ZNG1A: variants seen among roughly 807,000 people sequenced by gnomAD.
ZNG1A encodes Zn regulated GTPase metalloprotein activator 1A, also known as zinc-regulated GTPase metalloprotein activator 1A.
At chr9:161,605 G>C in the ZNG1A span, 181 of 1,286,638 alleles carry the variant, frequency 1.4e-4, 3 homozygotes, top group African/African-American at 2.6e-3. Flanking sequence ...TTGGGAACGG[G>C]TCAGTGGGTG....
At chr9:152,218 G>C in the ZNG1A span, 1 of 367,520 alleles carries the variant, frequency 2.7e-6, no homozygotes, top group Non-Finnish European at 5.0e-6. Flanking sequence ...ATTAAAAACA[G>C]AAAAACAAAA....
chr9:164,100 C>G, the ZNG1A span: 3 of 1,512,734 alleles, frequency 2.0e-6, no homozygotes, highest in Admixed American at 2.1e-5. Flanking sequence ...ATGATTCTAT[C>G]CATGTTTTAA....
the ZNG1A span, among the ~76,000 whole-genome samples, chr9:176,841 G>GAA: frequency 5.5e-3 from 780 of 143,110 alleles, 1 homozygote; most frequent in Middle Eastern, 0.018. Flanking sequence ...ACCATATTAT[G>GAA]AAAAAAAAAA....
At chr9:151,883 G>C in the ZNG1A span, 4 of 468,288 alleles carry the variant, frequency 8.5e-6, no homozygotes, top group South Asian at 7.0e-5. Context: ...AACTTATTAA[G>C]AGCATTCCAA....
At chr9:176,037 C>A in the ZNG1A span, among the ~76,000 whole-genome samples, 4 of 149,788 alleles carry the variant, frequency 2.7e-5, no homozygotes, top group Non-Finnish European at 4.4e-5. Context: ...CCTAGCCTAA[C>A]CTTCCCTAAA....
the ZNG1A span, among the ~76,000 whole-genome samples, chr9:178,165 C>A: frequency 2.0e-5 from 3 of 150,786 alleles, no homozygotes. Flanking sequence ...CCGCCCTTCA[C>A]GAAACTACCA....
At chr9:125,025 C>T in the ZNG1A span, among the ~76,000 whole-genome samples, 1 of 152,180 alleles carries the variant, frequency 6.6e-6, no homozygotes, top group Admixed American at 6.5e-5. Flanking sequence ...CATGCGTGTG[C>T]ACGTATCTTT....
the ZNG1A span, among the ~76,000 whole-genome samples, chr9:141,386 T>C: frequency 6.7e-6 from 1 of 149,510 alleles, no homozygotes; most frequent in Non-Finnish European, 1.5e-5. Context: ...GGGCCAATAT[T>C]CAACATTCTG....
chr9:147,611 A>G, the ZNG1A span: 34 of 144,660 alleles, frequency 2.4e-4, no homozygotes, highest in African/African-American at 9.5e-4. Flanking sequence ...AGAATTAGAA[A>G]AATGATCAAG....
chr9:166,539 T>G, the ZNG1A span: 1 of 152,596 alleles, frequency 6.6e-6, no homozygotes, highest in Non-Finnish European at 1.5e-5. Flanking sequence ...GGCACACAAG[T>G]GGCAAAGAAC....
chr9:147,682 G>C, the ZNG1A span: 1 of 149,322 alleles, frequency 6.7e-6, no homozygotes, highest in African/African-American at 2.6e-5. Context: ...AAAGGCCAAA[G>C]TCTTAATATT....
the ZNG1A span, among the ~76,000 whole-genome samples, chr9:141,416 C>G: frequency 2.7e-5 from 4 of 149,902 alleles, no homozygotes; most frequent in Non-Finnish European, 5.9e-5. Flanking sequence ...AATTTTCGAC[C>G]CAGAATTTCA....
the ZNG1A span, among the ~76,000 whole-genome samples, chr9:138,657 G>A: frequency 1.4e-5 from 2 of 144,860 alleles, no homozygotes; most frequent in Non-Finnish European, 3.0e-5. Flanking sequence ...CCAGCACTTT[G>A]GGAGGCTGAG....
the ZNG1A span, among the ~76,000 whole-genome samples, chr9:129,361 A>C: frequency 6.6e-6 from 1 of 151,874 alleles, no homozygotes; most frequent in African/African-American, 2.4e-5. Flanking sequence ...GAACTTGCAA[A>C]TGTGAGACTT....
At chr9:142,876 C>T in the ZNG1A span, among the ~76,000 whole-genome samples, 1 of 97,554 alleles carries the variant, frequency 1.0e-5, no homozygotes, top group Non-Finnish European at 1.9e-5. Context: ...CCACCGATCC[C>T]ACAGAAATAC....
chr9:135,809 G>A, the ZNG1A span, among the ~76,000 whole-genome samples: 8 of 112,408 alleles, frequency 7.1e-5, no homozygotes, highest in East Asian at 3.8e-4. Flanking sequence ...GTCTCTTTGG[G>A]GGGTCCTAGT....
At chr9:165,582 G>A in the ZNG1A span, among the ~76,000 whole-genome samples, 4 of 131,224 alleles carry the variant, frequency 3.0e-5, no homozygotes, top group Non-Finnish European at 4.7e-5. Context: ...AATGTCTGAA[G>A]ATGTTTTTGG....
chr9:178,532 C>A, the ZNG1A span, among the ~76,000 whole-genome samples: 1 of 111,332 alleles, frequency 9.0e-6, no homozygotes, highest in Non-Finnish European at 2.3e-5. Context: ...GGTAAGAGGT[C>A]ACAGAGACAA....
At chr9:141,541 G>C in the ZNG1A span, among the ~76,000 whole-genome samples, 1 of 150,046 alleles carries the variant, frequency 6.7e-6, no homozygotes, top group African/African-American at 2.5e-5. Context: ...CCTGAAGGAA[G>C]CACTAAACGT....
Sources: allele counts gnomAD v4.1 joint callset (sites outside exome capture counted in the v4.1 genomes callset), GRCh38; gene constraint gnomAD v4.1.1; transcripts MANE v1.5; gene names NCBI Gene and HGNC (gene_info 2026-07-23, HGNC 2026-07-21).